AGAP1: variants seen among roughly 807,000 people sequenced by gnomAD.
AGAP1 encodes the protein arf-GAP with GTPase, ANK repeat and PH domain-containing protein 1.
Under a neutral mutation model 105.3 loss-of-function variants are expected in AGAP1, and 29 were observed. That is an observed-to-expected ratio of 0.28 (90% confidence interval 0.21 to 0.38). AGAP1 has a LOEUF of 0.38. Ranked by LOEUF, AGAP1 falls within the 10% of genes least tolerant of loss-of-function variation. The probability of loss-of-function intolerance (pLI) is 1.00; values close to 1 mark genes in which losing one functional copy is unlikely to be tolerated. For missense variants in AGAP1, 998 were observed against 1,165.1 expected (o/e 0.86, Z 2.09); for synonymous variants, 509 against 485.9 (o/e 1.05, Z -0.63).
chr2:235,679,589 G>A (rs1300577499), intron 1 of AGAP1, among the ~76,000 whole-genome samples: 1 of 152,132 alleles, frequency 6.6e-6, no homozygotes, highest in Non-Finnish European at 1.5e-5. Flanking sequence ...ATTCGGAGGA[G>A]TAGCGATTAC....
intron 1 of AGAP1, among the ~76,000 whole-genome samples, chr2:235,531,847 G>A (rs113090280): frequency 1.6e-4 from 19 of 117,778 alleles, no homozygotes; most frequent in African/African-American, 4.7e-4. Context: ...CCTGACCTTC[G>A]TTGATCCATG....
At chr2:235,637,027 A>T (rs1329802182) in intron 1 of AGAP1, among the ~76,000 whole-genome samples, 1 of 152,002 alleles carries the variant, frequency 6.6e-6, no homozygotes, top group Non-Finnish European at 1.5e-5. Context: ...TGACGCTTTG[A>T]TCTTGGACTT....
In AGAP1 at chr2:236,123,260, T is replaced by G. The variant is rs2059943312; in HGVS notation, c.2371-659T>G. Among the ~76,000 whole-genome samples, 1 of 152,148 alleles carries G rather than the reference T, an allele frequency of 6.6e-6. No homozygotes were observed. Among genetic ancestry groups the G allele is most frequent in the East Asian group, 1.9e-4 (1 of 5,200 alleles). The stretch of plus-strand genomic sequence containing the variant: ...GCTAATTTTTTTAAAATGTGTTTTT[T>G]TCTAGAGACAGGGTCTCCCAGTATT... On this transcript the variant is annotated intron_variant, in intron 17 of 17. Transcript: ENST00000304032. This position sits in a 1 kb window ranked among gnomAD's most constrained non-coding sequence, Gnocchi z 4.6.
intron 1 of AGAP1, among the ~76,000 whole-genome samples, chr2:235,580,993 G>A (rs1013304804): frequency 1.3e-5 from 2 of 152,062 alleles, no homozygotes; most frequent in Non-Finnish European, 2.9e-5. Context: ...TGCACACTCT[G>A]ATCCTTACAG....
intron 16 of AGAP1, among the ~76,000 whole-genome samples, chr2:236,117,793 C>T (rs1203909806): frequency 6.6e-6 from 1 of 152,172 alleles, no homozygotes; most frequent in Admixed American, 6.5e-5. Context: ...TAAATAAGGC[C>T]TTTAAAATAG....
At chr2:236,048,523 T>C (rs2057793371) in intron 15 of AGAP1, among the ~76,000 whole-genome samples, 1 of 152,250 alleles carries the variant, frequency 6.6e-6, no homozygotes, top group South Asian at 2.1e-4. Flanking sequence ...ATTTCTTCAC[T>C]GTAGTGTACC....
intron 9 of AGAP1, among the ~76,000 whole-genome samples, chr2:235,826,531 C>G (rs1417952827): frequency 6.6e-6 from 1 of 151,978 alleles, no homozygotes; most frequent in Non-Finnish European, 1.5e-5. Flanking sequence ...CTCACTGCAA[C>G]CTCCACCTCC....
rs2054503575 is a variant in AGAP1 at position 235,968,529 on chromosome 2, C to T, written c.1551C>T (p.Asp517=). The T allele has an allele frequency of 3.4e-6, 2 of 589,632 alleles. No homozygotes were observed. Among genetic ancestry groups the T allele is most frequent in the Non-Finnish European group, 2.9e-6 (1 of 349,284 alleles). 36.5% of individuals were successfully genotyped at this position (589,632 alleles called of 1,614,324 possible). A position where few individuals can be genotyped will look rare whatever the true frequency, so the allele number is the denominator to read the frequency against. ...CCAGCACCACCAGCCCCAAGCTCGACCCGCCCCCCTCCCCTCACGCCAACA... is the reference window on the plus strand; with the variant it reads ...CCAGCACCACCAGCCCCAAGCTCGATCCGCCCCCCTCCCCTCACGCCAACA... ...SISSTTSPKL[D]PPPSPHANRK... The change falls in exon 13 of 18, where the codon GAC becomes GAT. Residue 517 remains aspartate (D), a synonymous_variant. Transcript: ENST00000304032.
At position 235,603,444 on chromosome 2, in the gene AGAP1, A is replaced by G. The variant is rs1945807163; in HGVS notation, c.164-105735A>G. Among the ~76,000 whole-genome samples, 5 of 152,354 alleles carry G rather than the reference A, an allele frequency of 3.3e-5. 1 individual carries two copies. In the South Asian group the frequency reaches 1.0e-3, roughly 32 times the overall value. ...GCGGAACTGTGAGCTCCCAGAGTGCACAGATATGTGCCAGACACCAAGATC... is the reference window on the plus strand; with the variant it reads ...GCGGAACTGTGAGCTCCCAGAGTGCGCAGATATGTGCCAGACACCAAGATC... On this transcript the variant is annotated intron_variant, in intron 1 of 17. Coordinates refer to ENST00000304032, the MANE Select transcript of AGAP1 (RefSeq NM_001037131.3).
At chr2:235,996,308 A>C (rs1020103644) in intron 13 of AGAP1, among the ~76,000 whole-genome samples, 1 of 152,172 alleles carries the variant, frequency 6.6e-6, no homozygotes, top group African/African-American at 2.4e-5. Context: ...TCCAGCAGAA[A>C]TTAGGCCAAA....
intron 1 of AGAP1, among the ~76,000 whole-genome samples, chr2:235,515,590 C>G (rs1375974747): frequency 1.3e-5 from 2 of 152,154 alleles, no homozygotes; most frequent in African/African-American, 4.8e-5. Context: ...TGTGCATCTG[C>G]CCTTGTTCAG....
chr2:235,704,980 T>TTC (rs1575177324), intron 1 of AGAP1, among the ~76,000 whole-genome samples: 1 of 131,016 alleles, frequency 7.6e-6, no homozygotes, highest in Non-Finnish European at 1.6e-5. Flanking sequence ...TTTTTTTTTT[T>TTC]TTTTTTTTTT....
intron 4 of AGAP1, among the ~76,000 whole-genome samples, chr2:235,743,798 A>G (rs1046809405): frequency 2.6e-5 from 4 of 152,172 alleles, no homozygotes; most frequent in African/African-American, 9.7e-5. Flanking sequence ...TTTGTTTTTC[A>G]AATTTGCACT....
At chr2:235,695,962 G>C (rs919236644) in intron 1 of AGAP1, among the ~76,000 whole-genome samples, 2 of 152,148 alleles carry the variant, frequency 1.3e-5, no homozygotes, top group Non-Finnish European at 2.9e-5. Flanking sequence ...GAGAACAGAG[G>C]AGGGCCGAGG....
rs1041738936 is a variant in AGAP1 at position 235,801,636 on chromosome 2, T to G, written c.957+2114T>G. Among the ~76,000 whole-genome samples, 1 of 152,046 alleles carries G rather than the reference T, an allele frequency of 6.6e-6. No individual in the cohort carries two copies. The highest frequency in any genetic ancestry group is 1.5e-5 in the Non-Finnish European group (1 of 68,020). ...TGAAGTGTTTCCTGCTAGAACAGGCTGCACAGTGACTCGGTGGCTTGAGAA... is the reference window on the plus strand; with the variant it reads ...TGAAGTGTTTCCTGCTAGAACAGGCGGCACAGTGACTCGGTGGCTTGAGAA... On this transcript the variant is annotated intron_variant, in intron 8 of 17. Transcript: ENST00000304032. The surrounding 1 kb of genome is among the most constrained non-coding windows in gnomAD (Gnocchi z 6.0).
At chr2:235,503,921 C>T (rs1941672471) in intron 1 of AGAP1, among the ~76,000 whole-genome samples, 1 of 152,210 alleles carries the variant, frequency 6.6e-6, no homozygotes, top group South Asian at 2.1e-4. Context: ...GAGACAGTCT[C>T]TGTCAATCAG....
chr2:235,914,809 A>C (rs1158171871), intron 11 of AGAP1, among the ~76,000 whole-genome samples: 1 of 152,184 alleles, frequency 6.6e-6, no homozygotes, highest in Admixed American at 6.5e-5. Context: ...GCACAGCAGC[A>C]GGCTGTGCGA....
rs1027723284 is a variant in AGAP1, at chr2:235,759,269, C to T, written c.673+8781C>T. The stretch of plus-strand genomic sequence containing the variant: ...CTGCAAGCTCCACCTCCTGGGTTCA[C>T]ACCATTCTCCTGCTTCAGCCTCCCA... On this transcript the variant is annotated intron_variant, in intron 6 of 17. Coordinates refer to ENST00000304032, the MANE Select transcript of AGAP1 (RefSeq NM_001037131.3). Among the ~76,000 whole-genome samples the T allele has an allele frequency of 6.0e-5, 9 of 150,374 alleles. No individual in the cohort carries two copies. In the South Asian group the frequency reaches 1.9e-3, roughly 32 times the overall value.
intron 6 of AGAP1, among the ~76,000 whole-genome samples, chr2:235,759,609 T>C (rs929696316): frequency 6.6e-6 from 1 of 152,202 alleles, no homozygotes; most frequent in Non-Finnish European, 1.5e-5. Flanking sequence ...GTAAGGAGAC[T>C]TGATTCAGCC....
Sources: allele counts gnomAD v4.1 joint callset (sites outside exome capture counted in the v4.1 genomes callset), GRCh38; gene constraint gnomAD v4.1.1; non-coding constraint Gnocchi (gnomAD v3.1); transcripts MANE v1.5; gene names NCBI Gene and HGNC (gene_info 2026-07-23, HGNC 2026-07-21).